The following XKR4 variants were observed in gnomAD, a reference collection of about 807,000 sequenced individuals.
XKR4 encodes XK-related protein 4.
In XKR4, 12 loss-of-function variants were observed where a neutral mutation model predicts 53.9. The ratio of observed to expected loss-of-function variants is 0.22; its 90% CI spans 0.14 to 0.36. The LOEUF (loss-of-function observed/expected upper bound fraction) is 0.36, where lower values mean the gene tolerates loss of function less well. Ranked by LOEUF, XKR4 falls within the 10% of genes least tolerant of loss-of-function variation. XKR4 has a pLI of 1.00. For missense variants in XKR4, 799 were observed against 859.5 expected (o/e 0.93, Z 0.88); for synonymous variants, 354 against 362.4 (o/e 0.98, Z 0.26).
intron 2 of XKR4, among the ~76,000 whole-genome samples, chr8:55,467,950 C>T (rs2129399486): frequency 6.6e-6 from 1 of 152,192 alleles, no homozygotes; most frequent in African/African-American, 2.4e-5. Context: ...GTTACAGAGA[C>T]TTATGCCATG....
At chr8:55,289,629 GAAAGAAAGAAAGAAAGA>G (rs1563316408) in intron 1 of XKR4, among the ~76,000 whole-genome samples, 6 of 115,424 alleles carry the variant, frequency 5.2e-5, no homozygotes, top group African/African-American at 1.7e-4. Flanking sequence ...AAGAAAGAAA[GAAAGAAAGAAAGAAAGA>G]AAGGAAGGAA....
chr8:55,425,974 C>T (rs1046983897), intron 2 of XKR4, among the ~76,000 whole-genome samples: 55 of 152,330 alleles, frequency 3.6e-4, no homozygotes, highest in African/African-American at 1.3e-3. Flanking sequence ...AAGCACCTCC[C>T]TCTCTACCCC....
intron 1 of XKR4, among the ~76,000 whole-genome samples, chr8:55,307,815 G>T (rs1819326482): frequency 6.6e-6 from 1 of 152,208 alleles, no homozygotes; most frequent in African/African-American, 2.4e-5. Flanking sequence ...TGCTGGCAAG[G>T]ATGTGAAGAA....
intron 1 of XKR4, among the ~76,000 whole-genome samples, chr8:55,175,120 A>G (rs1333293956): frequency 1.3e-5 from 2 of 152,224 alleles, no homozygotes; most frequent in East Asian, 3.8e-4. Flanking sequence ...GAGTACACCC[A>G]AAGACAGCAT....
Position 55,530,491 on chromosome 8 carries a change from G to A in XKR4, c.*6264G>A, listed in dbSNP as rs1408320314. 1 of 152,154 alleles carries A rather than the reference G, an allele frequency of 6.6e-6. No individual in the cohort carries two copies. The highest frequency in any genetic ancestry group is 1.9e-4 in the East Asian group (1 of 5,194). 9.4% of individuals were successfully genotyped at this position (152,154 alleles called of 1,614,324 possible). A position where few individuals can be genotyped will look rare whatever the true frequency, so the allele number is the denominator to read the frequency against. ...TCACTTTAGATATAGCATGTCTGAA[G>A]GTCTGCAAGATGACAGAGTTGTAAC... On this transcript the variant is annotated 3_prime_UTR_variant, in exon 3 of 3. Transcript: ENST00000327381.
Position 55,535,882 on chromosome 8 carries a change from T to C in XKR4, c.*11655T>C, listed in dbSNP as rs77656810. On this transcript the variant is annotated 3_prime_UTR_variant, in exon 3 of 3. Transcript: ENST00000327381. The stretch of plus-strand genomic sequence containing the variant: ...TAGGGGAACCCACCCCCTGTGATAG[T>C]TCTCCTTGACCACTGGTCCCTATGG... 1.1e-4 allele frequency: 17 copies of C among 152,346 alleles called. No homozygotes were observed. In the East Asian group the frequency reaches 3.3e-3, roughly 29 times the overall value. The allele number at this position is 152,346 out of a possible 1,614,324, so 9.4% of individuals were successfully genotyped here.
chr8:55,104,329 G>A (rs1296214204), intron 1 of XKR4, among the ~76,000 whole-genome samples: 1 of 151,954 alleles, frequency 6.6e-6, no homozygotes, highest in Non-Finnish European at 1.5e-5. Context: ...GAGCTTTTTT[G>A]GTTTTAAAAT....
intron 1 of XKR4, among the ~76,000 whole-genome samples, chr8:55,135,889 CTTTTTT>C (rs71256514): frequency 6.8e-6 from 1 of 146,092 alleles, no homozygotes; most frequent in East Asian, 2.0e-4. Context: ...AACATGCTCA[CTTTTTT>C]TTTTTTTTTG....
intron 2 of XKR4, among the ~76,000 whole-genome samples, chr8:55,439,512 G>T (rs1805235076): frequency 6.6e-6 from 1 of 152,158 alleles, no homozygotes; most frequent in Non-Finnish European, 1.5e-5. Context: ...CATGGTGCAA[G>T]AATAAGAGGC....
intron 1 of XKR4, among the ~76,000 whole-genome samples, chr8:55,201,188 A>G (rs1354186589): frequency 6.6e-6 from 1 of 152,236 alleles, no homozygotes; most frequent in East Asian, 1.9e-4. Context: ...GAAGAAATCA[A>G]GATTAATCAG....
intron 2 of XKR4, among the ~76,000 whole-genome samples, chr8:55,506,719 A>C (rs976929562): frequency 6.6e-6 from 1 of 152,184 alleles, no homozygotes; most frequent in Non-Finnish European, 1.5e-5. Context: ...ATTGTGTTTC[A>C]ACTCAGAGAT....
At chr8:55,512,093 G>C (rs1265140205) in intron 2 of XKR4, among the ~76,000 whole-genome samples, 1 of 152,114 alleles carries the variant, frequency 6.6e-6, no homozygotes, top group Non-Finnish European at 1.5e-5. Flanking sequence ...CATGAAAAAT[G>C]GGTGAAGTCA....
chr8:55,221,819 T>C (rs1214467031), intron 1 of XKR4, among the ~76,000 whole-genome samples: 1 of 152,176 alleles, frequency 6.6e-6, no homozygotes. Flanking sequence ...AGCTGGGATT[T>C]GGGTGACACC....
intron 1 of XKR4, among the ~76,000 whole-genome samples, chr8:55,339,538 G>C (rs1448242453): frequency 6.6e-6 from 1 of 152,088 alleles, no homozygotes; most frequent in Non-Finnish European, 1.5e-5. Flanking sequence ...GCATTCCTTC[G>C]ACTGCCCCTC....
chr8:55,438,590 GAAA>G (rs751832656), intron 2 of XKR4, among the ~76,000 whole-genome samples: 1 of 100,404 alleles, frequency 1.0e-5, no homozygotes. Context: ...ACTCCATCTT[GAAA>G]AAAAAAAAAA....
intron 2 of XKR4, among the ~76,000 whole-genome samples, chr8:55,406,682 C>A (rs1396708217): frequency 2.0e-5 from 3 of 152,230 alleles, no homozygotes; most frequent in African/African-American, 7.2e-5. Flanking sequence ...TTCTGAGCCT[C>A]ATTTGCCCTA....
chr8:55,512,520 T>A (rs1207488582), intron 2 of XKR4, among the ~76,000 whole-genome samples: 2 of 152,206 alleles, frequency 1.3e-5, no homozygotes, highest in Non-Finnish European at 2.9e-5. Flanking sequence ...GTACACGGGT[T>A]CTCTCTTCTC....
At chr8:55,455,932 A>G (rs1805562921) in intron 2 of XKR4, among the ~76,000 whole-genome samples, 1 of 152,224 alleles carries the variant, frequency 6.6e-6, no homozygotes, top group South Asian at 2.1e-4. Flanking sequence ...CAATAGCTAC[A>G]TGTCATGGGG....
rs1365337765 is a variant in XKR4 at position 55,533,506 on chromosome 8, C to A, written c.*9279C>A. On this transcript the variant is annotated 3_prime_UTR_variant, in exon 3 of 3. Coordinates refer to ENST00000327381, the MANE Select transcript of XKR4 (RefSeq NM_052898.2). Reference sequence around the variant, plus strand: ...GTGAAACATTTTCCACGGTCTGAATCGGAAGCTTGGGGCTCTGTGGAAAGA... The same window carrying A: ...GTGAAACATTTTCCACGGTCTGAATAGGAAGCTTGGGGCTCTGTGGAAAGA... 1 of 152,122 alleles carries A rather than the reference C, an allele frequency of 6.6e-6. No individual in the cohort carries two copies. Among genetic ancestry groups the A allele is most frequent in the Non-Finnish European group, 1.5e-5 (1 of 68,026 alleles). The allele number at this position is 152,122 out of a possible 1,614,324, so 9.4% of individuals were successfully genotyped here.
Sources: allele counts gnomAD v4.1 joint callset (sites outside exome capture counted in the v4.1 genomes callset), GRCh38; gene constraint gnomAD v4.1.1; transcripts MANE v1.5; gene names NCBI Gene and HGNC (gene_info 2026-07-23, HGNC 2026-07-21).